Variants in RSPO2 observed in about 807,000 individuals in gnomAD.
RSPO2 encodes the protein R-spondin-2.
In RSPO2, 14 loss-of-function variants were observed where a neutral mutation model predicts 30.9. That is an observed-to-expected ratio of 0.45 (90% CI 0.30 to 0.71). The LOEUF is 0.71. Ranked by LOEUF, RSPO2 falls within the 30% of genes least tolerant of loss-of-function variation. The pLI is 0.08. For missense variants in RSPO2, 264 were observed against 301.9 expected (o/e 0.87, Z 0.93); for synonymous variants, 107 against 96.4 (o/e 1.11, Z -0.64).
chr8:108,026,055 A>G (rs1200916180), intron 2 of RSPO2, among the ~76,000 whole-genome samples: 1 of 152,212 alleles, frequency 6.6e-6, no homozygotes, highest in Non-Finnish European at 1.5e-5. Flanking sequence ...CATAGTGATC[A>G]AAGTTAATGT....
intron 2 of RSPO2, among the ~76,000 whole-genome samples, chr8:108,024,637 T>TG (rs1196981392): frequency 6.6e-6 from 1 of 151,994 alleles, no homozygotes; most frequent in Non-Finnish European, 1.5e-5. Context: ...GTAGAAGGGA[T>TG]GGGGTATGAA....
chr8:108,030,281 A>C (rs536839098), intron 2 of RSPO2, among the ~76,000 whole-genome samples: 227 of 152,320 alleles, frequency 1.5e-3, no homozygotes, highest in African/African-American at 5.4e-3. Flanking sequence ...TCATGTGACC[A>C]AACTACAGCT....
chr8:107,912,880 C>G (rs1195167882), intron 5 of RSPO2, among the ~76,000 whole-genome samples: 1 of 152,126 alleles, frequency 6.6e-6, no homozygotes, highest in Non-Finnish European at 1.5e-5. Flanking sequence ...TTATTAAAAT[C>G]AAATAAATGT....
At chr8:108,036,965 A>T (rs1235850523) in intron 2 of RSPO2, among the ~76,000 whole-genome samples, 1 of 152,192 alleles carries the variant, frequency 6.6e-6, no homozygotes. Context: ...TGACTGCTCC[A>T]CTAACTGTTG....
intron 2 of RSPO2, among the ~76,000 whole-genome samples, chr8:108,018,814 T>A (rs1420872813): frequency 1.3e-5 from 2 of 152,224 alleles, no homozygotes; most frequent in African/African-American, 4.8e-5. Context: ...CCGAATTTCA[T>A]ATCTTCAAGA....
chr8:107,982,679 T>C (rs953238808), intron 3 of RSPO2, among the ~76,000 whole-genome samples: 2 of 152,084 alleles, frequency 1.3e-5, no homozygotes, highest in Non-Finnish European at 2.9e-5. Flanking sequence ...CCCAAAACCA[T>C]AGCAATCAGA....
At chr8:107,983,011 AGAGGGGCCACAG>A in intron 3 of RSPO2, 1 of 740,876 alleles carries the variant, frequency 1.3e-6, no homozygotes, top group Admixed American at 3.1e-5. Flanking sequence ...TGGGGTGCAG[AGAGGGGCCACAG>A]TCTCTGCGGC....
chr8:107,939,593 G>T (rs1812828143), intron 5 of RSPO2, among the ~76,000 whole-genome samples: 1 of 150,712 alleles, frequency 6.6e-6, no homozygotes, highest in South Asian at 2.1e-4. Context: ...AGCTCGAATT[G>T]CTGAGAGTAA....
chr8:108,080,048 T>C (rs537595457), intron 2 of RSPO2, among the ~76,000 whole-genome samples: 2 of 152,276 alleles, frequency 1.3e-5, no homozygotes, highest in South Asian at 4.1e-4. Context: ...GATCAATCAG[T>C]GGACATGAGA....
At chr8:108,019,680 T>A (rs933448826) in intron 2 of RSPO2, among the ~76,000 whole-genome samples, 12 of 152,248 alleles carry the variant, frequency 7.9e-5, no homozygotes, top group Non-Finnish European at 5.9e-5. Flanking sequence ...TTTTTTTCGT[T>A]TGTTAACCTG....
chr8:108,001,454 CAT>C lies in RSPO2; in HGVS notation c.95-12212_95-12211del. On this transcript the variant is annotated intron_variant, in intron 2 of 5. Transcript: ENST00000276659. ...CTCTTTTGACACAAAAATCTTAATG[CAT>C]ATCCCTACACTAGACGTTAATTCTC... is the stretch of plus-strand genomic sequence containing the variant. 2.6e-5 allele frequency among the ~76,000 whole-genome samples: 4 copies of C among 152,104 alleles called. No individual in the cohort carries two copies. In the South Asian group the frequency reaches 8.3e-4, roughly 32 times the overall value.
intron 3 of RSPO2, among the ~76,000 whole-genome samples, chr8:107,978,004 T>G (rs982167071): frequency 1.3e-5 from 2 of 151,962 alleles, no homozygotes; most frequent in African/African-American, 2.4e-5. Context: ...CTGTGTCATC[T>G]CAAGTCAACA....
intron 5 of RSPO2, among the ~76,000 whole-genome samples, chr8:107,912,762 G>C (rs1811863415): frequency 6.6e-6 from 1 of 152,128 alleles, no homozygotes; most frequent in African/African-American, 2.4e-5. Context: ...GATGAGAAAA[G>C]TACCTCTCAG....
intron 2 of RSPO2, among the ~76,000 whole-genome samples, chr8:108,000,389 C>T (rs1815200534): frequency 6.6e-6 from 1 of 152,162 alleles, no homozygotes; most frequent in African/African-American, 2.4e-5. Context: ...ATAAGCAGCA[C>T]ATGTGGCTTG....
intron 5 of RSPO2, among the ~76,000 whole-genome samples, chr8:107,929,222 GT>G (rs1407317597): frequency 6.6e-6 from 1 of 152,200 alleles, no homozygotes; most frequent in East Asian, 1.9e-4. Context: ...ATTTTTCATT[GT>G]TTTGAGAGGA....
chr8:108,015,179 A>G (rs1417838279), intron 2 of RSPO2, among the ~76,000 whole-genome samples: 1 of 152,220 alleles, frequency 6.6e-6, no homozygotes, highest in Non-Finnish European at 1.5e-5. Context: ...ATAAAGTTAT[A>G]TCACATTCTT....
In RSPO2 at chr8:107,901,150, TTTCTTG is replaced by T. The variant is rs750112556; in HGVS notation, c.651_656del (p.Asn217_Lys218del). The T allele has an allele frequency of 1.2e-6, 2 of 1,614,116 alleles. No homozygotes were observed. Among genetic ancestry groups the T allele is most frequent in the Non-Finnish European group, 1.7e-6 (2 of 1,179,994 alleles). The stretch of plus-strand genomic sequence containing the variant: ...CCCTTTCTATCAGCTTCCTTTTCTT[TTTCTTG>T]TTCCTCTTCTCCTTCGCCTTTGGTG... On this transcript the variant is annotated inframe_deletion, in exon 6 of 6. Transcript: ENST00000276659.
intron 2 of RSPO2, among the ~76,000 whole-genome samples, chr8:108,077,359 C>T (rs1386098016): frequency 2.6e-5 from 4 of 151,956 alleles, no homozygotes; most frequent in South Asian, 2.1e-4. Flanking sequence ...ATTAGAGGAA[C>T]AGCAGCATGC....
intron 5 of RSPO2, among the ~76,000 whole-genome samples, chr8:107,912,329 G>A (rs1811850758): frequency 6.6e-6 from 1 of 152,072 alleles, no homozygotes; most frequent in African/African-American, 2.4e-5. Flanking sequence ...CAATTCTAGA[G>A]CATAAAGTAC....
Sources: allele counts gnomAD v4.1 joint callset (sites outside exome capture counted in the v4.1 genomes callset), GRCh38; gene constraint gnomAD v4.1.1; transcripts MANE v1.5; gene names NCBI Gene and HGNC (gene_info 2026-07-23, HGNC 2026-07-21).